Variants in PISD observed in about 807,000 individuals in gnomAD.
PISD encodes the protein phosphatidylserine decarboxylase.
In PISD, 31 loss-of-function variants were observed where a neutral mutation model predicts 43.5. The ratio of observed to expected loss-of-function variants is 0.71; its 90% CI spans 0.54 to 0.96. PISD has a LOEUF of 0.96. Ranked by LOEUF, PISD falls within the 40% of genes least tolerant of loss-of-function variation. PISD has a pLI of 0.00. For missense variants in PISD, 523 were observed against 548.4 expected (o/e 0.95, Z 0.46); for synonymous variants, 259 against 228.7 (o/e 1.13, Z -1.20).
intron 3 of PISD, among the ~76,000 whole-genome samples, chr22:31,633,488 G>A (rs1941989779): frequency 6.6e-6 from 1 of 152,176 alleles, no homozygotes; most frequent in Admixed American, 6.5e-5. Context: ...GGCCGAGGCA[G>A]GCGGATCACG....
rs550550295 is a variant in PISD, at chr22:31,625,065, C to T, written c.322-3180G>A. On this transcript the variant is annotated intron_variant, in intron 3 of 7. Transcript: ENST00000439502. ...AAAGTAACTGCATTTAGCTAATCTACGGCTGCCATCTGGGACTGTGCTCTC... is the reference window on the plus strand; with the variant it reads ...AAAGTAACTGCATTTAGCTAATCTATGGCTGCCATCTGGGACTGTGCTCTC... Among the ~76,000 whole-genome samples the T allele has an allele frequency of 4.1e-3, 620 of 152,356 alleles. 6 individuals carry two copies. Among genetic ancestry groups the T allele is most frequent in the Non-Finnish European group, 6.8e-3 (461 of 68,038 alleles).
At chr22:31,622,812 T>C (rs1256154661) in intron 3 of PISD, among the ~76,000 whole-genome samples, 1 of 152,200 alleles carries the variant, frequency 6.6e-6, no homozygotes, top group Non-Finnish European at 1.5e-5. Flanking sequence ...CCTCTTAAAC[T>C]TCAGGTGCTG....
chr22:31,638,451 G>A (rs902362032), intron 3 of PISD: 11 of 984,308 alleles, frequency 1.1e-5, no homozygotes, highest in Non-Finnish European at 1.3e-5. Context: ...GAAGGGGGAT[G>A]AAGTGGGGAA....
rs1360879756 is a variant in PISD, at chr22:31,620,985, C to A, written c.844+11G>T. The A allele has an allele frequency of 6.2e-7, 1 of 1,607,836 alleles. No homozygotes were observed. The highest frequency in any genetic ancestry group is 1.1e-5 in the South Asian group (1 of 90,778). On this transcript the variant is annotated intron_variant, in intron 6 of 7. Transcript: ENST00000439502. ...CAGAGGCAGCTCCCCCCACGCTGGC[C>A]CCGGGCTGACCTGGGAAGTGGCGCC...
intron 1 of PISD, among the ~76,000 whole-genome samples, chr22:31,651,246 G>A (rs759032786): frequency 6.6e-6 from 1 of 152,172 alleles, no homozygotes; most frequent in Non-Finnish European, 1.5e-5. Context: ...TTACAGGCAT[G>A]AGCCACCAGG....
chr22:31,625,685 C>T lies in PISD; in HGVS notation c.322-3800G>A, dbSNP rs577997510. The T allele has an allele frequency of 1.1e-5, 17 of 1,526,500 alleles. No homozygotes were observed. In the East Asian group the frequency reaches 3.7e-4, roughly 33 times the overall value. The allele number at this position is 1,526,500 out of a possible 1,614,324, so 94.6% of individuals were successfully genotyped here. ...CCTTGCCGCCACCTCTACTGCGAGG[C>T]CGCTGGATGTGAACTCTGACCTTCC... is the stretch of plus-strand genomic sequence containing the variant. On this transcript the variant is annotated intron_variant, in intron 3 of 7. Transcript: ENST00000439502.
chr22:31,646,193 T>A (rs1448419340), intron 3 of PISD, among the ~76,000 whole-genome samples: 1 of 152,052 alleles, frequency 6.6e-6, no homozygotes, highest in Non-Finnish European at 1.5e-5. Context: ...GCCCAGGAGT[T>A]TGAGACCAGC....
At chr22:31,659,483 T>G (rs1192023692) in intron 1 of PISD, among the ~76,000 whole-genome samples, 1 of 152,174 alleles carries the variant, frequency 6.6e-6, no homozygotes, top group African/African-American at 2.4e-5. Context: ...TCCTAGGTAC[T>G]ATTGTCCGTA....
At chr22:31,643,406 G>A (rs767327587) in intron 3 of PISD, among the ~76,000 whole-genome samples, 8 of 152,100 alleles carry the variant, frequency 5.3e-5, no homozygotes, top group African/African-American at 9.7e-5. Flanking sequence ...CTCTTATACC[G>A]TAAATAAAAA....
intron 1 of PISD, among the ~76,000 whole-genome samples, chr22:31,658,696 T>C (rs930736230): frequency 8.6e-5 from 13 of 151,820 alleles, no homozygotes; most frequent in Non-Finnish European, 1.8e-4. Context: ...ACCACAGATG[T>C]GCACCCAGCC....
At chr22:31,639,006 T>A (rs73402160) in intron 3 of PISD, among the ~76,000 whole-genome samples, 1,743 of 151,106 alleles carry the variant, frequency 0.012, 34 homozygotes, top group African/African-American at 0.04. Context: ...TTCCTTTTTT[T>A]CCCCCTGAGA....
Position 31,630,806 on chromosome 22 carries a change from G to T in PISD, c.322-8921C>A, listed in dbSNP as rs1011640629. 1.1e-5 allele frequency: 11 copies of T among 985,414 alleles called. No individual in the cohort carries two copies. The African/African-American group carries it at 1.7e-4, about 16-fold the overall frequency. 61.0% of individuals were successfully genotyped at this position (985,414 alleles called of 1,614,324 possible). On this transcript the variant is annotated intron_variant, in intron 3 of 7. Coordinates refer to ENST00000439502, the MANE Select transcript of PISD (RefSeq NM_001326411.2). This position sits in a 1 kb window ranked among gnomAD's most constrained non-coding sequence, Gnocchi z 4.4. ...GGGCGCCGGCTCCGCTCACTCACCC[G>T]CAGGTGGCTCCAGCTTCCGGGCTCC...
In PISD at chr22:31,618,543, T is replaced by C. The variant is rs1171819913; in HGVS notation, c.*1069A>G. On this transcript the variant is annotated 3_prime_UTR_variant, in exon 8 of 8. Coordinates refer to ENST00000439502, the MANE Select transcript of PISD (RefSeq NM_001326411.2). Reference sequence around the variant, plus strand: ...AATGCTTTGCAATTAAATGAATTACTGTTCAGAAGTCTCCCACTTTTCATA... The same window carrying C: ...AATGCTTTGCAATTAAATGAATTACCGTTCAGAAGTCTCCCACTTTTCATA... 7 of 973,578 alleles carry C rather than the reference T, an allele frequency of 7.2e-6. No individual in the cohort carries two copies. Among genetic ancestry groups the C allele is most frequent in the East Asian group, 2.9e-5 (1 of 34,740 alleles). The allele number at this position is 973,578 out of a possible 1,614,324, so 60.3% of individuals were successfully genotyped here. A position where few individuals can be genotyped will look rare whatever the true frequency, so the allele number is the denominator to read the frequency against.
intron 3 of PISD, among the ~76,000 whole-genome samples, chr22:31,635,035 A>G (rs984295013): frequency 6.6e-6 from 1 of 150,750 alleles, no homozygotes; most frequent in Non-Finnish European, 1.5e-5. Context: ...GTGTGGTGGC[A>G]CGCACGTGTA....
chr22:31,618,606 AATG>A lies in PISD; in HGVS notation c.*1003_*1005del. The A allele has an allele frequency of 1.9e-6, 1 of 519,058 alleles. No individual in the cohort carries two copies. Among genetic ancestry groups the A allele is most frequent in the Non-Finnish European group, 3.1e-6 (1 of 321,998 alleles). 32.2% of individuals were successfully genotyped at this position (519,058 alleles called of 1,614,324 possible). A position where few individuals can be genotyped will look rare whatever the true frequency, so the allele number is the denominator to read the frequency against. ...GCTACTGATACAGTTGAAAAAATTC[AATG>A]ATGTCTCTCCTGCAGGAGAAATTCA... On this transcript the variant is annotated 3_prime_UTR_variant, in exon 8 of 8. Transcript: ENST00000439502.
intron 3 of PISD, among the ~76,000 whole-genome samples, chr22:31,637,740 G>A (rs1247568396): frequency 6.6e-6 from 1 of 152,212 alleles, no homozygotes; most frequent in Non-Finnish European, 1.5e-5. Flanking sequence ...TCAGTCTGGG[G>A]AAGAGGTCAA....
At position 31,630,740 on chromosome 22, in the gene PISD, G is replaced by C; in HGVS notation, c.322-8855C>G. The C allele has an allele frequency of 1.0e-6, 1 of 985,494 alleles. No homozygotes were observed. Among genetic ancestry groups the C allele is most frequent in the Non-Finnish European group, 1.2e-6 (1 of 829,962 alleles). 61.0% of individuals were successfully genotyped at this position (985,494 alleles called of 1,614,324 possible). A position where few individuals can be genotyped will look rare whatever the true frequency, so the allele number is the denominator to read the frequency against. The stretch of plus-strand genomic sequence containing the variant: ...TGGCCCTCTGAGCGGGCAGGGTGGG[G>C]CGCCTCCCTGAGAAGTCACCTGGGG... On this transcript the variant is annotated intron_variant, in intron 3 of 7. Coordinates refer to ENST00000439502, the MANE Select transcript of PISD (RefSeq NM_001326411.2). This position sits in a 1 kb window ranked among gnomAD's most constrained non-coding sequence, Gnocchi z 4.4.
At chr22:31,658,155 C>A (rs1033264375) in intron 1 of PISD, among the ~76,000 whole-genome samples, 1 of 152,134 alleles carries the variant, frequency 6.6e-6, no homozygotes, top group Non-Finnish European at 1.5e-5. Context: ...TGACAGTATG[C>A]CCCAGAAAGA....
At chr22:31,636,263 T>C (rs12160788) in intron 3 of PISD, among the ~76,000 whole-genome samples, 145 of 148,672 alleles carry the variant, frequency 9.8e-4, no homozygotes, top group African/African-American at 3.6e-3. Context: ...TTTTGATGAA[T>C]TGGAATACTG....
Sources: allele counts gnomAD v4.1 joint callset (sites outside exome capture counted in the v4.1 genomes callset), GRCh38; gene constraint gnomAD v4.1.1; non-coding constraint Gnocchi (gnomAD v3.1); transcripts MANE v1.5; gene names NCBI Gene and HGNC (gene_info 2026-07-23, HGNC 2026-07-21).